The following SAMD3 variants were observed in gnomAD, a reference collection of about 807,000 sequenced individuals.
SAMD3 encodes the protein sterile alpha motif domain-containing protein 3.
SAMD3 carries 63 observed loss-of-function variants against 58.5 expected under a neutral mutation model. That is an observed-to-expected ratio of 1.08 (90% CI 0.88 to 1.33). SAMD3 has a LOEUF of 1.33. Among genes scored for constraint, SAMD3 ranks in the 40% most tolerant of loss-of-function variants. The pLI is 0.00. For missense variants in SAMD3, 604 were observed against 608.4 expected (o/e 0.99, Z 0.08); for synonymous variants, 220 against 210.3 (o/e 1.05, Z -0.40).
At chr6:130,195,861 G>A (rs1402502093) in intron 5 of SAMD3, among the ~76,000 whole-genome samples, 1 of 152,044 alleles carries the variant, frequency 6.6e-6, no homozygotes, top group Non-Finnish European at 1.5e-5. Flanking sequence ...CCTAGGCATG[G>A]TTAGATACTT....
chr6:130,171,660 G>A (rs1055620600), intron 8 of SAMD3, among the ~76,000 whole-genome samples: 1 of 152,168 alleles, frequency 6.6e-6, no homozygotes, highest in Non-Finnish European at 1.5e-5. Flanking sequence ...CGTGCTGTGT[G>A]GCACTGAGAA....
intron 2 of SAMD3, among the ~76,000 whole-genome samples, chr6:130,264,904 G>A (rs1774283989): frequency 5.3e-5 from 8 of 152,038 alleles, no homozygotes; most frequent in Admixed American, 5.2e-4. Context: ...GTAGGGCGCT[G>A]GCAAAGGCCA....
intron 2 of SAMD3, among the ~76,000 whole-genome samples, chr6:130,275,655 A>G (rs560064908): frequency 6.6e-6 from 1 of 152,248 alleles, no homozygotes; most frequent in African/African-American, 2.4e-5. Context: ...ATTTATTAAT[A>G]TATTATAATT....
chr6:130,209,914 G>GT (rs1215388183), intron 4 of SAMD3, among the ~76,000 whole-genome samples: 9 of 152,208 alleles, frequency 5.9e-5, no homozygotes, highest in Non-Finnish European at 1.0e-4. Context: ...ATCGTAGAAT[G>GT]TATCTTTTTT....
chr6:130,362,635 G>A (rs1025357450), intron 1 of SAMD3, among the ~76,000 whole-genome samples: 2 of 151,998 alleles, frequency 1.3e-5, no homozygotes, highest in Non-Finnish European at 2.9e-5. Context: ...GTGCCCCTCA[G>A]GCAAAAAGAA....
At chr6:130,343,942 G>A (rs546890086) in intron 1 of SAMD3, among the ~76,000 whole-genome samples, 162 of 150,092 alleles carry the variant, frequency 1.1e-3, no homozygotes, top group Non-Finnish European at 1.9e-3. Context: ...TCCAGCCTGG[G>A]CGACAAAGTG....
At chr6:130,145,177 T>C (rs897115350) in intron 11 of SAMD3, among the ~76,000 whole-genome samples, 163 bp downstream of exon 11, 2 of 152,196 alleles carry the variant, frequency 1.3e-5, no homozygotes. Context: ...GAGAATCGCT[T>C]GAACCAGGAG....
chr6:130,220,033 G>A (rs562456731), intron 1 of SAMD3, among the ~76,000 whole-genome samples: 2 of 152,030 alleles, frequency 1.3e-5, no homozygotes, highest in South Asian at 2.1e-4. Context: ...ATGGAGTCTC[G>A]CTCTGTCATC....
intron 2 of SAMD3, among the ~76,000 whole-genome samples, chr6:130,276,615 G>A (rs1486698352): frequency 6.6e-6 from 1 of 152,126 alleles, no homozygotes; most frequent in East Asian, 1.9e-4. Context: ...AAGAACCTAT[G>A]TATGTATATA....
chr6:130,263,542 C>T (rs1408431053), intron 2 of SAMD3, among the ~76,000 whole-genome samples: 1 of 152,106 alleles, frequency 6.6e-6, no homozygotes, highest in Non-Finnish European at 1.5e-5. Context: ...GAGTCGTGGG[C>T]CATAGTCCCA....
chr6:130,215,748 T>C, intron 2 of SAMD3: 1 of 1,506,620 alleles, frequency 6.6e-7, no homozygotes. Flanking sequence ...GATAAAAGCC[T>C]GACAGAGATA....
intron 2 of SAMD3, among the ~76,000 whole-genome samples, chr6:130,303,771 T>A (rs1775825960): frequency 2.0e-5 from 3 of 152,218 alleles, no homozygotes; most frequent in Admixed American, 2.0e-4. Flanking sequence ...ATTGCACCTA[T>A]ATGCACTTTA....
intron 7 of SAMD3, among the ~76,000 whole-genome samples, chr6:130,177,327 G>C (rs989204771): frequency 6.6e-6 from 1 of 152,184 alleles, no homozygotes; most frequent in African/African-American, 2.4e-5. Context: ...GCCATGTTGA[G>C]TTGGGAGAGT....
upstream of SAMD3, among the ~76,000 whole-genome samples, chr6:130,226,872 T>C (rs1449495838): frequency 6.6e-6 from 1 of 152,178 alleles, no homozygotes; most frequent in Non-Finnish European, 1.5e-5. Context: ...ATTAGTAACA[T>C]TGTGTTTACA....
At chr6:130,314,347 A>T (rs1776287205) in intron 1 of SAMD3, among the ~76,000 whole-genome samples, 2 of 152,214 alleles carry the variant, frequency 1.3e-5, no homozygotes, top group Non-Finnish European at 2.9e-5. Context: ...AGACACCTTT[A>T]AGCAAGACAG....
intron 1 of SAMD3, among the ~76,000 whole-genome samples, chr6:130,351,647 C>G (rs1583145322): frequency 6.6e-6 from 1 of 152,048 alleles, no homozygotes; most frequent in South Asian, 2.1e-4. Context: ...AACTAGTTCA[C>G]CCATTGTGGA....
At chr6:130,151,025 G>A (rs1789118634) in intron 9 of SAMD3, among the ~76,000 whole-genome samples, 2 of 152,028 alleles carry the variant, frequency 1.3e-5, no homozygotes, top group South Asian at 2.1e-4. Flanking sequence ...ATTCTTATTA[G>A]CAACACTGTG....
intron 2 of SAMD3, among the ~76,000 whole-genome samples, chr6:130,292,587 C>T (rs1417995936): frequency 2.1e-5 from 3 of 143,710 alleles, no homozygotes; most frequent in South Asian, 2.3e-4. Flanking sequence ...ATGCCCGGCC[C>T]GGAACAACTC....
chr6:130,354,983 T>C (rs528409515), intron 1 of SAMD3, among the ~76,000 whole-genome samples: 2 of 152,146 alleles, frequency 1.3e-5, no homozygotes, highest in African/African-American at 4.8e-5. Context: ...CAACTGATTA[T>C]TAAAAATGCA....
Sources: allele counts gnomAD v4.1 joint callset (sites outside exome capture counted in the v4.1 genomes callset), GRCh38; gene constraint gnomAD v4.1.1; transcripts MANE v1.5; gene names NCBI Gene and HGNC (gene_info 2026-07-23, HGNC 2026-07-21).